The following GSK3B variants were observed in gnomAD, a reference collection of about 807,000 sequenced individuals.
GSK3B encodes the protein glycogen synthase kinase 3 beta, also known as glycogen synthase kinase-3 beta.
GSK3B carries 15 observed loss-of-function variants against 56.4 expected under a neutral mutation model. The ratio of observed to expected loss-of-function variants is 0.27; its 90% CI spans 0.18 to 0.41. The LOEUF is 0.41. Ranked by LOEUF, GSK3B falls within the 10% of genes least tolerant of loss-of-function variation. The pLI is 1.00. For missense variants in GSK3B, 300 were observed against 513.4 expected, an observed-to-expected ratio of 0.58 and a Z score of 4.02; for synonymous variants, 181 against 188.9, an observed-to-expected ratio of 0.96 and a Z score of 0.34.
intron 1 of GSK3B, among the ~76,000 whole-genome samples, chr3:120,071,826 C>G (rs2058328977): frequency 6.6e-6 from 1 of 152,184 alleles, no homozygotes; most frequent in South Asian, 2.1e-4. Context: ...AAAAGCAGTC[C>G]TGGTGCCAAG....
chr3:120,079,351 T>A (rs796135199), intron 1 of GSK3B, among the ~76,000 whole-genome samples: 39 of 116,284 alleles, frequency 3.4e-4, no homozygotes, highest in Admixed American at 8.2e-4. Context: ...CACACACACA[T>A]TTTTTTTTTT....
At chr3:119,925,553 C>T (rs2056881980) in intron 3 of GSK3B, among the ~76,000 whole-genome samples, 1 of 152,126 alleles carries the variant, frequency 6.6e-6, no homozygotes. Flanking sequence ...CAGCTCCTTC[C>T]TAAGGCAAAC....
Position 119,891,607 on chromosome 3 carries a change from A to AC in GSK3B, c.813+14147_813+14148insG, listed in dbSNP as rs562496798. 7.6e-3 allele frequency among the ~76,000 whole-genome samples: 1,157 copies of AC among 152,168 alleles called. 5 individuals carry two copies. Among genetic ancestry groups the AC allele is most frequent in the Non-Finnish European group, 0.012 (836 of 67,976 alleles). On this transcript the variant is annotated intron_variant, in intron 7 of 10. Transcript: ENST00000264235. ...TTCACTTGAATTTTAAGAGATGGAAATTTTTTTTCCTCCAAAACGTTTAGA... is the reference window on the plus strand; with the variant it reads ...TTCACTTGAATTTTAAGAGATGGAAACTTTTTTTTCCTCCAAAACGTTTAGA...
At chr3:120,080,957 G>C (rs926852319) in intron 1 of GSK3B, among the ~76,000 whole-genome samples, 2 of 152,120 alleles carry the variant, frequency 1.3e-5, no homozygotes, top group South Asian at 2.1e-4. Flanking sequence ...CTTTTGCAGA[G>C]TAAGCTACTT....
intron 9 of GSK3B, among the ~76,000 whole-genome samples, chr3:119,850,019 A>T (rs2055905886): frequency 6.7e-6 from 1 of 150,044 alleles, no homozygotes; most frequent in Non-Finnish European, 1.5e-5. Context: ...TATAGATGTA[A>T]ATCTATAGAT....
rs1009964147 is a variant in GSK3B, at chr3:119,823,247, G to T, written c.*3541C>A. On this transcript the variant is annotated 3_prime_UTR_variant, in exon 11 of 11. Transcript: ENST00000264235. ...GGCCTTCGTGTTGGGCACACAGTAA[G>T]AATTAAACTGATTTTTTTTAAAAGA... 8 of 222,630 alleles carry T rather than the reference G, an allele frequency of 3.6e-5. No individual in the cohort carries two copies. The highest frequency in any genetic ancestry group is 2.3e-4 in the Admixed American group (4 of 17,416). The allele number at this position is 222,630 out of a possible 1,614,324, so 13.8% of individuals were successfully genotyped here.
chr3:119,843,010 G>T (rs2055798402), intron 10 of GSK3B, among the ~76,000 whole-genome samples: 1 of 152,076 alleles, frequency 6.6e-6, no homozygotes, highest in Non-Finnish European at 1.5e-5. Context: ...CCGCCTCCCG[G>T]TTTCAAGCAA....
intron 9 of GSK3B, among the ~76,000 whole-genome samples, chr3:119,860,798 C>T (rs78855356): frequency 0.027 from 4,176 of 152,280 alleles, 181 homozygotes; most frequent in African/African-American, 0.092. Context: ...ATTATGTTTA[C>T]TTAAAGTGGT....
At chr3:119,929,915 A>AT (rs1489917264) in intron 3 of GSK3B, among the ~76,000 whole-genome samples, 18 of 148,572 alleles carry the variant, frequency 1.2e-4, no homozygotes, top group African/African-American at 4.6e-4. Flanking sequence ...AAAAAAAAAA[A>AT]AAAATAATAA....
At chr3:120,057,897 G>A (rs1452595723) in intron 1 of GSK3B, among the ~76,000 whole-genome samples, 1 of 151,984 alleles carries the variant, frequency 6.6e-6, no homozygotes, top group African/African-American at 2.4e-5. Context: ...CTCTCAGAGA[G>A]TCAGAAGCCC....
At chr3:119,832,498 C>G (rs1014247965) in intron 10 of GSK3B, among the ~76,000 whole-genome samples, 3 of 152,224 alleles carry the variant, frequency 2.0e-5, no homozygotes, top group Non-Finnish European at 2.9e-5. Flanking sequence ...ATAGATAACA[C>G]ACATGTATAT....
At chr3:120,075,675 A>G (rs754513101) in intron 1 of GSK3B, among the ~76,000 whole-genome samples, 3 of 152,198 alleles carry the variant, frequency 2.0e-5, no homozygotes, top group Non-Finnish European at 4.4e-5. Context: ...AATTTAACCA[A>G]AAAGTTGAAA....
chr3:120,009,221 T>C (rs2057756866), intron 1 of GSK3B, among the ~76,000 whole-genome samples: 1 of 152,144 alleles, frequency 6.6e-6, no homozygotes, highest in South Asian at 2.1e-4. Context: ...TAGGAACACT[T>C]TTACACTGTT....
intron 2 of GSK3B, among the ~76,000 whole-genome samples, chr3:120,000,540 C>T (rs1029366632): frequency 2.0e-5 from 3 of 152,076 alleles, no homozygotes; most frequent in Non-Finnish European, 4.4e-5. Flanking sequence ...TGTTATATCC[C>T]TTCATGTTTA....
In GSK3B at chr3:119,861,527, A is replaced by G. The variant is rs1429200646; in HGVS notation, c.1096+1892T>C. Among the ~76,000 whole-genome samples, 3 of 149,426 alleles carry G rather than the reference A, an allele frequency of 2.0e-5. No homozygotes were observed. In the East Asian group the frequency reaches 5.8e-4, roughly 29 times the overall value. The stretch of plus-strand genomic sequence containing the variant: ...CTCCGTCTCAAAAAAAAAAAAAACA[A>G]AACAAACAAACAAACAAACAAAAAA... On this transcript the variant is annotated intron_variant, in intron 9 of 10. Transcript: ENST00000264235.
intron 7 of GSK3B, among the ~76,000 whole-genome samples, chr3:119,881,890 A>G (rs533981699): frequency 2.2e-4 from 34 of 152,270 alleles, no homozygotes; most frequent in African/African-American, 8.2e-4. Flanking sequence ...TGGTTTTATA[A>G]AGGGGAGTTT....
At chr3:119,836,418 A>G (rs1459455246) in intron 10 of GSK3B, among the ~76,000 whole-genome samples, 2 of 152,186 alleles carry the variant, frequency 1.3e-5, no homozygotes, top group Non-Finnish European at 2.9e-5. Flanking sequence ...ATCCTAATAA[A>G]TAAAATGTGC....
Position 119,826,737 on chromosome 3 carries a change from A to G in GSK3B, c.*51T>C. On this transcript the variant is annotated 3_prime_UTR_variant, in exon 11 of 11. Coordinates refer to ENST00000264235, the MANE Select transcript of GSK3B (RefSeq NM_001146156.2). ...CAAACGTGACCAGTGTTGCTGAGTG[A>G]CACTCAAGTAACTGGTGGTTTTTCC... is the stretch of plus-strand genomic sequence containing the variant. 1 of 1,107,122 alleles carries G rather than the reference A, an allele frequency of 9.0e-7. No homozygotes were observed. Among genetic ancestry groups the G allele is most frequent in the Non-Finnish European group, 1.4e-6 (1 of 716,182 alleles). The allele number at this position is 1,107,122 out of a possible 1,614,324, so 68.6% of individuals were successfully genotyped here. A position where few individuals can be genotyped will look rare whatever the true frequency, so the allele number is the denominator to read the frequency against.
intron 6 of GSK3B, among the ~76,000 whole-genome samples, chr3:119,910,967 C>T (rs1179520321): frequency 1.3e-5 from 2 of 152,204 alleles, no homozygotes. Context: ...TTCTAGTTCT[C>T]TTGCTAGTTC....
Sources: gnomAD v4.1 joint callset for allele counts (sites outside exome capture counted in the v4.1 genomes callset) on GRCh38, gnomAD v4.1.1 for gene constraint, MANE v1.5 for transcripts, NCBI Gene and HGNC (gene_info 2026-07-23, HGNC 2026-07-21) for gene names.